The following YEATS4 variants were observed in gnomAD, a reference collection of about 807,000 sequenced individuals.
YEATS4 encodes YEATS domain containing 4.
YEATS4 carries 17 observed loss-of-function variants against 30.1 expected under a neutral mutation model. The observed-to-expected ratio is 0.56, with a 90% CI of 0.39 to 0.85. The LOEUF is 0.85. Ranked by LOEUF, YEATS4 falls within the 40% of genes least tolerant of loss-of-function variation. The pLI is 0.00. For missense variants in YEATS4, 142 were observed against 268.3 expected (o/e 0.53, Z 3.29); for synonymous variants, 85 against 87.5 (o/e 0.97, Z 0.16).
chr12:69,367,407 GC>G (rs1875476819), intron 4 of YEATS4, among the ~76,000 whole-genome samples: 1 of 151,634 alleles, frequency 6.6e-6, no homozygotes, highest in Non-Finnish European at 1.5e-5. Flanking sequence ...ACACTCTGCT[GC>G]CCAGGCTGGA....
the YEATS4 span, among the ~76,000 whole-genome samples, chr12:69,402,416 T>C: frequency 6.6e-5 from 10 of 152,332 alleles, no homozygotes; most frequent in Non-Finnish European, 8.8e-5. Flanking sequence ...ATGCTTTTTG[T>C]TGAGGTTTGG....
At chr12:69,413,697 C>T in the YEATS4 span, among the ~76,000 whole-genome samples, 1 of 152,008 alleles carries the variant, frequency 6.6e-6, no homozygotes, top group East Asian at 1.9e-4. Context: ...ACTAAAAATA[C>T]AAAAATTAGC....
chr12:69,367,253 G>T (rs1305269520), intron 4 of YEATS4, among the ~76,000 whole-genome samples: 1 of 152,090 alleles, frequency 6.6e-6, no homozygotes, highest in African/African-American at 2.4e-5. Flanking sequence ...TCATGAGTAA[G>T]CATCCATAGC....
At chr12:69,368,302 C>T (rs776813622) in intron 4 of YEATS4, among the ~76,000 whole-genome samples, 6 of 152,132 alleles carry the variant, frequency 3.9e-5, no homozygotes, top group South Asian at 2.1e-4. Flanking sequence ...ATGGTTGTTT[C>T]TAAAAGCAAA....
At chr12:69,365,607 AAACT>A (rs779768132) in intron 2 of YEATS4, 22 bp from the exon 3 acceptor site, 115 of 1,545,690 alleles carry the variant, frequency 7.4e-5, no homozygotes, top group Middle Eastern at 1.9e-4. Context: ...GTAGATCATA[AAACT>A]AACTAATTCC....
the YEATS4 span, among the ~76,000 whole-genome samples, chr12:69,397,224 T>C: frequency 6.6e-6 from 1 of 152,216 alleles, no homozygotes; most frequent in Non-Finnish European, 1.5e-5. Context: ...ATGAGCTGAA[T>C]TGTGTCCCTC....
Position 69,359,817 on chromosome 12 carries a change from G to A in YEATS4, c.-156G>A, listed in dbSNP as rs1252868693. On this transcript the variant is annotated 5_prime_UTR_variant, in exon 1 of 7. Transcript: ENST00000247843. Reference sequence around the variant, plus strand: ...GCACAGTCGGCCTGAGGAGTTGACGGTTACTCACCGCCGTGAGCCCAAGTA... The same window carrying A: ...GCACAGTCGGCCTGAGGAGTTGACGATTACTCACCGCCGTGAGCCCAAGTA... The A allele has an allele frequency of 9.5e-6, 8 of 840,040 alleles. No individual in the cohort carries two copies. The highest frequency in any genetic ancestry group is 1.1e-5 in the Non-Finnish European group (6 of 544,276). 52.0% of individuals were successfully genotyped at this position (840,040 alleles called of 1,614,324 possible).
chr12:69,362,092 A>G (rs1436638613), intron 1 of YEATS4, among the ~76,000 whole-genome samples: 1 of 131,948 alleles, frequency 7.6e-6, no homozygotes, highest in African/African-American at 3.0e-5. Flanking sequence ...ATCTCGGCTC[A>G]CTGCAACCTC....
intron 6 of YEATS4, among the ~76,000 whole-genome samples, chr12:69,386,597 C>G (rs1268427213): frequency 2.0e-5 from 3 of 152,174 alleles, no homozygotes; most frequent in Admixed American, 6.5e-5. Flanking sequence ...CTCTGTACCC[C>G]AGCATCTAAC....
rs1875119502 is a variant in YEATS4, at chr12:69,359,957, T to C, written c.-16T>C. Reference sequence around the variant, plus strand: ...GTCTCTTTCCCTGGCGGCGGCGGCTTCTTCCGTGGGACAATATGTTCAAGA... The same window carrying C: ...GTCTCTTTCCCTGGCGGCGGCGGCTCCTTCCGTGGGACAATATGTTCAAGA... On this transcript the variant is annotated 5_prime_UTR_variant, in exon 1 of 7. Transcript: ENST00000247843. 6.2e-7 allele frequency: 1 copy of C among 1,611,918 alleles called. No individual in the cohort carries two copies. Among genetic ancestry groups the C allele is most frequent in the South Asian group, 1.1e-5 (1 of 90,868 alleles).
At chr12:69,386,108 C>T (rs1481652116) in intron 6 of YEATS4, among the ~76,000 whole-genome samples, 2 of 152,144 alleles carry the variant, frequency 1.3e-5, no homozygotes, top group Non-Finnish European at 1.5e-5. Flanking sequence ...TTTGTATAAG[C>T]ATTTAACACA....
the YEATS4 span, among the ~76,000 whole-genome samples, chr12:69,421,373 A>G: frequency 6.6e-6 from 1 of 152,182 alleles, no homozygotes; most frequent in South Asian, 2.1e-4. Context: ...GAGTAAAAAC[A>G]TTATTTTCCT....
At chr12:69,403,238 T>C in the YEATS4 span, among the ~76,000 whole-genome samples, 1 of 152,120 alleles carries the variant, frequency 6.6e-6, no homozygotes, top group African/African-American at 2.4e-5. Context: ...ATTTGGCCTT[T>C]GTAAATGTTC....
intron 6 of YEATS4, among the ~76,000 whole-genome samples, chr12:69,378,079 C>A (rs752918969): frequency 6.6e-6 from 1 of 152,132 alleles, no homozygotes; most frequent in Non-Finnish European, 1.5e-5. Context: ...GAATTGACTC[C>A]TTTATTATTA....
chr12:69,395,312 G>C (rs1000194429), downstream of YEATS4, among the ~76,000 whole-genome samples: 4 of 150,046 alleles, frequency 2.7e-5, no homozygotes, highest in Non-Finnish European at 3.0e-5. Flanking sequence ...ATAAAAAATA[G>C]AAAAAAAAAT....
the YEATS4 span, among the ~76,000 whole-genome samples, chr12:69,408,605 G>T: frequency 1.3e-5 from 2 of 152,204 alleles, no homozygotes; most frequent in Non-Finnish European, 2.9e-5. Context: ...CATTTCCTCA[G>T]ACAAATTTCT....
chr12:69,378,722 GCTAT>G (rs753064274), intron 6 of YEATS4, among the ~76,000 whole-genome samples: 46 of 151,964 alleles, frequency 3.0e-4, no homozygotes, highest in Non-Finnish European at 6.3e-4. Context: ...ATATCTTATT[GCTAT>G]CTATGTCTTG....
At chr12:69,395,453 G>A (rs938564992), downstream of YEATS4, among the ~76,000 whole-genome samples, 9 of 151,112 alleles carry the variant, frequency 6.0e-5, no homozygotes, top group South Asian at 4.2e-4. Context: ...AGGGAAAGCA[G>A]TTTGAAAAAC....
chr12:69,365,787 T>C lies in YEATS4; in HGVS notation c.239-3T>C. 2 of 1,607,708 alleles carry C rather than the reference T, an allele frequency of 1.2e-6. No homozygotes were observed. The highest frequency in any genetic ancestry group is 2.7e-5 in the African/African-American group (2 of 74,740). Reference sequence around the variant, plus strand: ...TAATTTACTATTTTTTTTCTGTCTTTAGTTGTTACTAAACCTCCATATGAA... The same window carrying C: ...TAATTTACTATTTTTTTTCTGTCTTCAGTTGTTACTAAACCTCCATATGAA... On this transcript the variant is annotated splice_region_variant and splice_polypyrimidine_tract_variant and intron_variant, in intron 3 of 6. Coordinates refer to ENST00000247843, the MANE Select transcript of YEATS4 (RefSeq NM_006530.4).
Sources: allele counts gnomAD v4.1 joint callset (sites outside exome capture counted in the v4.1 genomes callset), GRCh38; gene constraint gnomAD v4.1.1; transcripts MANE v1.5; gene names NCBI Gene and HGNC (gene_info 2026-07-23, HGNC 2026-07-21).